The following CDKL4 variants were observed in gnomAD, a reference collection of about 807,000 sequenced individuals.
The protein encoded by CDKL4 is cyclin dependent kinase like 4.
Under a neutral mutation model 42.0 loss-of-function variants are expected in CDKL4, and 44 were observed. The ratio of observed to expected loss-of-function variants is 1.05; its 90% CI spans 0.82 to 1.35. The LOEUF (loss-of-function observed/expected upper bound fraction) is 1.35, where lower values mean the gene tolerates loss of function less well. Ranked by LOEUF, CDKL4 falls within the 40% of genes most tolerant of loss-of-function variation. The probability of loss-of-function intolerance (pLI) is 0.00; values close to 1 mark genes in which losing one functional copy is unlikely to be tolerated. For missense variants in CDKL4, 393 were observed against 369.9 expected, an observed-to-expected ratio of 1.06 and a Z score of -0.51; for synonymous variants, 120 against 121.6, an observed-to-expected ratio of 0.99 and a Z score of 0.09.
exon 10 of CDKL4, chr2:39,176,053 G>A (rs958767943): frequency 2.1e-6 from 1 of 470,962 alleles, no homozygotes; most frequent in Non-Finnish European, 4.4e-6. Context: ...TCCATCAGGT[G>A]TGGGGGAGAT....
intron 5 of CDKL4, among the ~76,000 whole-genome samples, chr2:39,201,143 G>C (rs554593566): frequency 2.2e-4 from 34 of 152,004 alleles, no homozygotes; most frequent in African/African-American, 7.7e-4. Context: ...CCATCAAAAA[G>C]TGGGCTAAGG....
In CDKL4 at chr2:39,243,912, G is replaced by C. The variant is rs1679793112; in HGVS notation, c.-98C>G. On this transcript the variant is annotated 5_prime_UTR_variant, in exon 1 of 10. Coordinates refer to ENST00000451199, the Ensembl canonical transcript of CDKL4. ...CGGTGACGAAGCTTCGAGCAGCGCC[G>C]AACAGCCCCAGCCCCAGCTCCCGCG... Among the ~76,000 whole-genome samples the C allele has an allele frequency of 2.0e-5, 3 of 152,240 alleles. No homozygotes were observed. The South Asian group carries it at 6.2e-4, about 32-fold the overall frequency.
At chr2:39,238,633 A>C (rs1318234760) in intron 1 of CDKL4, among the ~76,000 whole-genome samples, 1 of 152,204 alleles carries the variant, frequency 6.6e-6, no homozygotes, top group Non-Finnish European at 1.5e-5. Context: ...TTTTACTATA[A>C]AGTTATGGTA....
Position 39,201,847 on chromosome 2 carries a change from G to T in CDKL4, c.454+2680C>A, listed in dbSNP as rs114547211. Among the ~76,000 whole-genome samples, 999 of 152,244 alleles carry T rather than the reference G, an allele frequency of 6.6e-3. 10 individuals carry two copies. The highest frequency in any genetic ancestry group is 0.023 in the African/African-American group (959 of 41,526). ...GGGGACTCAGCCGAAAGGGTCGGGC[G>T]GCGGGTGAGGGATAAAAGACTACAC... On this transcript the variant is annotated intron_variant, in intron 5 of 9. Transcript: ENST00000451199.
intron 8 of CDKL4, among the ~76,000 whole-genome samples, chr2:39,184,133 G>A (rs1012387917): frequency 2.6e-5 from 4 of 152,188 alleles, no homozygotes; most frequent in African/African-American, 4.8e-5. Context: ...AGACACTACT[G>A]TAGACAGAAC....
intron 3 of CDKL4, among the ~76,000 whole-genome samples, chr2:39,223,635 T>A (rs1678515140): frequency 7.0e-6 from 1 of 142,252 alleles, no homozygotes; most frequent in African/African-American, 2.7e-5. Flanking sequence ...AAAAGAGAGA[T>A]GGGGTCTCAC....
chr2:39,190,310 G>C, exon 6 of CDKL4: 1 of 1,613,728 alleles, frequency 6.2e-7, no homozygotes, highest in Non-Finnish European at 8.5e-7. Flanking sequence ...CATACCTAGT[G>C]TTCTGATTAT....
At chr2:39,190,459 G>A in exon 6 of CDKL4, 1 of 1,614,060 alleles carries the variant, frequency 6.2e-7, no homozygotes. Flanking sequence ...CAGGAGCTCG[G>A]TACCATCTCG....
At chr2:39,186,772 T>A (rs1675853838) in intron 7 of CDKL4, among the ~76,000 whole-genome samples, 1 of 150,114 alleles carries the variant, frequency 6.7e-6, no homozygotes, top group Non-Finnish European at 1.5e-5. Context: ...TAAAGAAGAC[T>A]ACTATAAGTA....
chr2:39,194,233 G>A (rs985430492), intron 5 of CDKL4, among the ~76,000 whole-genome samples: 1 of 152,156 alleles, frequency 6.6e-6, no homozygotes, highest in Admixed American at 6.6e-5. Flanking sequence ...GAGGTGGAAG[G>A]ATCACTTGAG....
At chr2:39,185,011 A>G (rs1038712984) in intron 7 of CDKL4, among the ~76,000 whole-genome samples, 1 of 151,376 alleles carries the variant, frequency 6.6e-6, no homozygotes, top group African/African-American at 2.4e-5. Flanking sequence ...CAGGGATTAT[A>G]GGGGTGAGCC....
At chr2:39,185,752 C>T (rs1038874838) in intron 7 of CDKL4, among the ~76,000 whole-genome samples, 7 of 151,794 alleles carry the variant, frequency 4.6e-5, no homozygotes, top group African/African-American at 1.2e-4. Flanking sequence ...TGAGCCACCG[C>T]GCCTGGCTTT....
chr2:39,179,438 T>C, intron 8 of CDKL4, 117 bp from the exon 9 acceptor site: 5 of 810,324 alleles, frequency 6.2e-6, no homozygotes, highest in Non-Finnish European at 9.2e-6. Flanking sequence ...TTCCAGTTTG[T>C]GTATTATCAA....
chr2:39,246,658 T>C (rs1157324475), upstream of CDKL4, among the ~76,000 whole-genome samples: 1 of 152,258 alleles, frequency 6.6e-6, no homozygotes, highest in Non-Finnish European at 1.5e-5. Flanking sequence ...CCTTGCTTTC[T>C]TACTGCATAT....
chr2:39,239,869 C>T (rs1679568822), intron 1 of CDKL4, among the ~76,000 whole-genome samples: 2 of 152,010 alleles, frequency 1.3e-5, no homozygotes, highest in Admixed American at 1.3e-4. Context: ...GCAGGTGGAT[C>T]ACTTGAGCTC....
chr2:39,237,729 TATGA>T (rs1362915664), intron 1 of CDKL4, among the ~76,000 whole-genome samples: 1 of 152,074 alleles, frequency 6.6e-6, no homozygotes, highest in Non-Finnish European at 1.5e-5. Flanking sequence ...GCTCAATATA[TATGA>T]ATATTTTTTT....
intron 8 of CDKL4, 64 bp from the exon 9 acceptor site, chr2:39,179,385 C>A: frequency 7.8e-7 from 1 of 1,281,602 alleles, no homozygotes; most frequent in South Asian, 1.6e-5. Flanking sequence ...ACCGTGCCCA[C>A]AAACTGAATA....
chr2:39,221,629 G>A (rs976100337), intron 3 of CDKL4, among the ~76,000 whole-genome samples: 1 of 152,170 alleles, frequency 6.6e-6, no homozygotes, highest in African/African-American at 2.4e-5. Flanking sequence ...CAGGGCTGAC[G>A]CAACGCACTA....
At chr2:39,234,016 C>T (rs1044899235) in intron 1 of CDKL4, among the ~76,000 whole-genome samples, 17 of 150,152 alleles carry the variant, frequency 1.1e-4, no homozygotes, top group Admixed American at 5.3e-4. Context: ...CGGGTTCAAG[C>T]GATTCTCCTG....
Sources: gnomAD v4.1 joint callset for allele counts (sites outside exome capture counted in the v4.1 genomes callset) on GRCh38, gnomAD v4.1.1 for gene constraint, MANE v1.5 for transcripts, NCBI Gene and HGNC (gene_info 2026-07-23, HGNC 2026-07-21) for gene names.